The following GNG2 variants were observed in gnomAD, a reference collection of about 807,000 sequenced individuals.
The protein encoded by GNG2 is G protein subunit gamma 2.
A neutral mutation model predicts 5.5 loss-of-function variants in GNG2; 5 were observed. That is an observed-to-expected ratio of 0.91 (90% CI 0.48 to 1.92). GNG2 has a LOEUF of 1.92. Ranked by LOEUF, GNG2 falls within the 30% of genes most tolerant of loss-of-function variation. The probability of loss-of-function intolerance (pLI) is 0.01; values close to 1 mark genes in which losing one functional copy is unlikely to be tolerated. For synonymous variants in GNG2, 28 were observed against 32.0 expected (o/e 0.88, Z 0.42); for missense variants, 55 against 88.4 (o/e 0.62, Z 1.52).
At chr14:51,833,159 A>G (rs910057991) in intron 2 of GNG2, among the ~76,000 whole-genome samples, 2 of 152,328 alleles carry the variant, frequency 1.3e-5, no homozygotes, top group Middle Eastern at 3.4e-3. Context: ...AAAGATAGAT[A>G]ATGAATATGT....
intron 1 of GNG2, among the ~76,000 whole-genome samples, chr14:51,874,444 A>T (rs1365939224): frequency 2.1e-5 from 3 of 143,632 alleles, no homozygotes; most frequent in African/African-American, 2.6e-5. Context: ...AAAAAAAAAC[A>T]GTCTGGCTGG....
At chr14:51,848,443 G>C (rs1190861863) in intron 2 of GNG2, among the ~76,000 whole-genome samples, 1 of 152,044 alleles carries the variant, frequency 6.6e-6, no homozygotes, top group Non-Finnish European at 1.5e-5. Context: ...TACCCTATGT[G>C]TGCATTCTGC....
Position 51,851,043 on chromosome 14 carries a change from G to A in GNG2, c.64+23236G>A, listed in dbSNP as rs575628622. Among the ~76,000 whole-genome samples the A allele has an allele frequency of 2.6e-5, 4 of 152,344 alleles. No homozygotes were observed. The East Asian group carries it at 7.7e-4, about 29-fold the overall frequency. On this transcript the variant is annotated intron_variant, in intron 2 of 3. Coordinates refer to the GNG2 transcript ENST00000553432. ...AATGCCAACCCACCGTGGAGCTTAT[G>A]TACACAATGTTATCCCAGTTAATTG... is the stretch of plus-strand genomic sequence containing the variant.
At chr14:51,862,674 C>A (rs921735615) in intron 1 of GNG2, among the ~76,000 whole-genome samples, 1 of 152,214 alleles carries the variant, frequency 6.6e-6, no homozygotes, top group Non-Finnish European at 1.5e-5. Context: ...AAACCTTGCC[C>A]GACGGGCATA....
intron 2 of GNG2, among the ~76,000 whole-genome samples, chr14:51,851,580 CT>C (rs1353578166): frequency 2.0e-5 from 3 of 152,154 alleles, no homozygotes; most frequent in Non-Finnish European, 4.4e-5. Flanking sequence ...TGTTCTTTTC[CT>C]ACAGACTTAA....
At chr14:51,889,364 C>T (rs548402114) in intron 2 of GNG2, among the ~76,000 whole-genome samples, 31 of 152,098 alleles carry the variant, frequency 2.0e-4, no homozygotes, top group East Asian at 1.9e-4. Context: ...CCGCCTGCCT[C>T]GGCCTCACAA....
chr14:51,944,055 A>G (rs1393337855), intron 2 of GNG2, among the ~76,000 whole-genome samples: 1 of 152,250 alleles, frequency 6.6e-6, no homozygotes, highest in Non-Finnish European at 1.5e-5. Context: ...AAGCCATGGT[A>G]GTCAAAACTG....
intron 2 of GNG2, among the ~76,000 whole-genome samples, chr14:51,831,293 ATTTG>A (rs1319496758): frequency 6.6e-6 from 1 of 152,164 alleles, no homozygotes; most frequent in African/African-American, 2.4e-5. Flanking sequence ...AACATACTGT[ATTTG>A]TTTGTTTATT....
At chr14:51,949,587 G>T (rs1888854262) in intron 2 of GNG2, among the ~76,000 whole-genome samples, 1 of 152,064 alleles carries the variant, frequency 6.6e-6, no homozygotes, top group Non-Finnish European at 1.5e-5. Flanking sequence ...ACGAGGCAGT[G>T]TTTAATGTTT....
chr14:51,889,186 C>T (rs1256635506), intron 2 of GNG2, among the ~76,000 whole-genome samples: 1 of 147,980 alleles, frequency 6.8e-6, no homozygotes, highest in Non-Finnish European at 1.5e-5. Context: ...GATCTCTGCT[C>T]ACTGCAACCT....
At chr14:51,893,570 ACTTTTT>A (rs1884997511) in intron 2 of GNG2, among the ~76,000 whole-genome samples, 1 of 151,762 alleles carries the variant, frequency 6.6e-6, no homozygotes, top group African/African-American at 2.4e-5. Flanking sequence ...CCTTTGTCAT[ACTTTTT>A]CTTTTTCTTT....
intron 2 of GNG2, among the ~76,000 whole-genome samples, chr14:51,852,182 C>T (rs553731457): frequency 2.6e-5 from 4 of 152,236 alleles, no homozygotes; most frequent in Admixed American, 6.5e-5. Flanking sequence ...AAAATAAAAT[C>T]ATAAACAATA....
chr14:51,904,114 G>A (rs1361706703), intron 2 of GNG2, among the ~76,000 whole-genome samples: 1 of 152,094 alleles, frequency 6.6e-6, no homozygotes, highest in African/African-American at 2.4e-5. Context: ...TCCTAAGAAG[G>A]TACCTCGCCT....
intron 3 of GNG2, among the ~76,000 whole-genome samples, chr14:51,958,225 G>A (rs1295677352): frequency 6.6e-6 from 1 of 152,164 alleles, no homozygotes; most frequent in Non-Finnish European, 1.5e-5. Context: ...ACAGAAAGAT[G>A]TTCTAAGCTC....
Position 51,834,467 on chromosome 14 carries a change from T to C in GNG2, c.64+6660T>C, listed in dbSNP as rs548326394. On this transcript the variant is annotated intron_variant, in intron 2 of 3. Coordinates refer to the GNG2 transcript ENST00000553432. ...GCTTGTCGACCAGCTGGGAGACAAG[T>C]GTCAAGTGCTGGGTCCAGGTGGCAG... 2.6e-5 allele frequency among the ~76,000 whole-genome samples: 4 copies of C among 152,300 alleles called. No homozygotes were observed. In the South Asian group the frequency reaches 8.3e-4, roughly 32 times the overall value.
At chr14:51,873,500 G>T (rs933834406) in intron 1 of GNG2, among the ~76,000 whole-genome samples, 3 of 152,260 alleles carry the variant, frequency 2.0e-5, no homozygotes, top group Non-Finnish European at 4.4e-5. Flanking sequence ...CAGTCATTCT[G>T]AGAGGGAAGT....
chr14:51,918,307 G>C lies in GNG2; in HGVS notation c.-29-32343G>C, dbSNP rs114042239. ...CAAAGAGCTGCTTCTGGCCAATTTTGCTTCCTGGTTGTCCTCATGTAGACA... is the reference window on the plus strand; with the variant it reads ...CAAAGAGCTGCTTCTGGCCAATTTTCCTTCCTGGTTGTCCTCATGTAGACA... On this transcript the variant is annotated intron_variant, in intron 2 of 3. Coordinates refer to ENST00000556766, the MANE Select transcript of GNG2 (RefSeq NM_053064.5). Among the ~76,000 whole-genome samples the C allele has an allele frequency of 7.7e-3, 1,170 of 152,050 alleles. 18 individuals carry two copies. The highest frequency in any genetic ancestry group is 0.027 in the African/African-American group (1,115 of 41,446).
chr14:51,831,381 A>G (rs1193178250), intron 2 of GNG2, among the ~76,000 whole-genome samples: 1 of 152,256 alleles, frequency 6.6e-6, no homozygotes. Flanking sequence ...ATCACTGCAT[A>G]GTCCCCAGTA....
chr14:51,923,486 C>G (rs968987059), intron 2 of GNG2, among the ~76,000 whole-genome samples: 5 of 151,228 alleles, frequency 3.3e-5, no homozygotes, highest in Admixed American at 3.3e-4. Flanking sequence ...TCTGTATTGG[C>G]AAATATATGT....
Sources: allele counts gnomAD v4.1 joint callset (sites outside exome capture counted in the v4.1 genomes callset), GRCh38; gene constraint gnomAD v4.1.1; transcripts MANE v1.5; gene names NCBI Gene and HGNC (gene_info 2026-07-23, HGNC 2026-07-21).